The following PTPRD variants were observed in gnomAD, a reference collection of about 807,000 sequenced individuals.
PTPRD encodes receptor-type tyrosine-protein phosphatase delta.
In PTPRD, 34 loss-of-function variants were observed where a neutral mutation model predicts 214.5. The observed-to-expected ratio is 0.16, with a 90% confidence interval of 0.12 to 0.21. The LOEUF (loss-of-function observed/expected upper bound fraction) is 0.21. Ranked by LOEUF, PTPRD falls within the 10% of genes least tolerant of loss-of-function variation. PTPRD has a pLI of 1.00. For missense variants in PTPRD, 2,545 were observed against 2,398.7 expected, an observed-to-expected ratio of 1.06 and a Z score of -1.27; for synonymous variants, 1,128 against 845.7, an observed-to-expected ratio of 1.33 and a Z score of -5.79.
chr9:8,555,790 G>A (rs1201015880), intron 14 of PTPRD, among the ~76,000 whole-genome samples: 3 of 152,076 alleles, frequency 2.0e-5, no homozygotes, highest in African/African-American at 7.2e-5. Context: ...ACGTGTAGGG[G>A]AAGCACTGGA....
chr9:10,421,568 C>A (rs1377229255), intron 2 of PTPRD, among the ~76,000 whole-genome samples: 2 of 151,796 alleles, frequency 1.3e-5, no homozygotes, highest in Non-Finnish European at 2.9e-5. Context: ...ATTTTACTGT[C>A]CAATTTTATG....
At position 9,874,503 on chromosome 9, in the gene PTPRD, C is replaced by T. The variant is rs529474526; in HGVS notation, c.-368+64004G>A. ...AATGTAAGCAGGACTTAAATGTAAG[C>T]GTGCCTTTCACCAATCCAGAGACCT... On this transcript the variant is annotated intron_variant, in intron 5 of 45. Coordinates refer to ENST00000381196, the MANE Select transcript of PTPRD (RefSeq NM_002839.4). 3.9e-5 allele frequency among the ~76,000 whole-genome samples: 6 copies of T among 152,178 alleles called. No individual in the cohort carries two copies. The East Asian group carries it at 5.8e-4, about 15-fold the overall frequency.
At chr9:8,383,872 AAGTC>A (rs1428151486) in intron 37 of PTPRD, among the ~76,000 whole-genome samples, 1 of 152,174 alleles carries the variant, frequency 6.6e-6, no homozygotes, top group African/African-American at 2.4e-5. Context: ...GGTGAAGTAA[AAGTC>A]AGATATATTC....
At position 9,857,614 on chromosome 9, in the gene PTPRD, G is replaced by A. The variant is rs955608526; in HGVS notation, c.-368+80893C>T. Among the ~76,000 whole-genome samples, 36 of 152,146 alleles carry A rather than the reference G, an allele frequency of 2.4e-4. No individual in the cohort carries two copies. The East Asian group carries it at 6.9e-3, about 29-fold the overall frequency. On this transcript the variant is annotated intron_variant, in intron 5 of 45. Coordinates refer to ENST00000381196, the MANE Select transcript of PTPRD (RefSeq NM_002839.4). ...GTCCATATTACAGCTAGTGGAAGCTGAAGTTTTACATTTATATATTAAATT... is the reference window on the plus strand; with the variant it reads ...GTCCATATTACAGCTAGTGGAAGCTAAAGTTTTACATTTATATATTAAATT...
At chr9:9,166,039 G>C (rs1042374806) in intron 10 of PTPRD, among the ~76,000 whole-genome samples, 1 of 150,694 alleles carries the variant, frequency 6.6e-6, no homozygotes, top group Non-Finnish European at 1.5e-5. Context: ...TCCCTATGTA[G>C]GTATTAAAAA....
intron 3 of PTPRD, among the ~76,000 whole-genome samples, chr9:10,090,121 T>C (rs772546050): frequency 1.3e-5 from 2 of 151,670 alleles, no homozygotes; most frequent in Non-Finnish European, 3.0e-5. Flanking sequence ...CATATCCATA[T>C]AGCATAGCAG....
At chr9:9,079,857 A>C (rs148570507) in intron 10 of PTPRD, among the ~76,000 whole-genome samples, 2 of 152,088 alleles carry the variant, frequency 1.3e-5, no homozygotes, top group Non-Finnish European at 2.9e-5. Context: ...GATTTCATCC[A>C]GTTCATGAGT....
intron 5 of PTPRD, among the ~76,000 whole-genome samples, chr9:9,773,554 AG>A (rs2098770918): frequency 6.6e-6 from 1 of 152,240 alleles, no homozygotes; most frequent in African/African-American, 2.4e-5. Flanking sequence ...TAAAGAATAA[AG>A]AGTATTCCAT....
intron 7 of PTPRD, among the ~76,000 whole-genome samples, chr9:9,601,830 C>T (rs894574494): frequency 6.6e-6 from 1 of 151,966 alleles, no homozygotes; most frequent in Non-Finnish European, 1.5e-5. Context: ...ATGTAGTACA[C>T]TAGATGGTGA....
At chr9:9,038,465 A>G (rs1474464947) in intron 10 of PTPRD, among the ~76,000 whole-genome samples, 1 of 152,078 alleles carries the variant, frequency 6.6e-6, no homozygotes, top group Non-Finnish European at 1.5e-5. Context: ...GTATACAAAC[A>G]TGTACACAAA....
intron 3 of PTPRD, among the ~76,000 whole-genome samples, chr9:10,059,794 A>C (rs1247334071): frequency 3.3e-5 from 5 of 151,176 alleles, no homozygotes; most frequent in Admixed American, 3.3e-4. Context: ...TAAAAAAAAA[A>C]CACTAAGCTT....
chr9:10,195,773 A>C (rs141215179), intron 3 of PTPRD, among the ~76,000 whole-genome samples: 228 of 152,360 alleles, frequency 1.5e-3, no homozygotes, highest in African/African-American at 5.3e-3. Flanking sequence ...GCCTGAAATA[A>C]TTTAATTATC....
At chr9:8,429,803 A>G (rs142690514) in intron 35 of PTPRD, among the ~76,000 whole-genome samples, 14 of 152,322 alleles carry the variant, frequency 9.2e-5, no homozygotes, top group African/African-American at 3.4e-4. Flanking sequence ...AGAACAAAAC[A>G]GATCAAAGAG....
intron 2 of PTPRD, 130 bp from the exon 3 acceptor site, chr9:10,341,147 T>A (rs2096931834): frequency 1.3e-5 from 2 of 151,926 alleles, no homozygotes; most frequent in African/African-American, 4.8e-5. Context: ...AGAGTTGTTC[T>A]GAATAATACA....
In PTPRD at chr9:9,418,961, G is replaced by A. The variant is rs1047502643; in HGVS notation, c.-236-21479C>T. 2.4e-4 allele frequency among the ~76,000 whole-genome samples: 37 copies of A among 151,760 alleles called. 1 individual carries two copies. Among genetic ancestry groups the A allele is most frequent in the African/African-American group, 8.2e-4 (34 of 41,498 alleles). On this transcript the variant is annotated intron_variant, in intron 8 of 45. Transcript: ENST00000381196. ...TAATAAGCAGAAAGAGTGTAGTGGAGAAGGAAACGACTTTCTAGATAAGCA... is the reference window on the plus strand; with the variant it reads ...TAATAAGCAGAAAGAGTGTAGTGGAAAAGGAAACGACTTTCTAGATAAGCA...
chr9:10,223,323 G>C (rs1379154201), intron 3 of PTPRD, among the ~76,000 whole-genome samples: 1 of 151,618 alleles, frequency 6.6e-6, no homozygotes, highest in East Asian at 2.0e-4. Flanking sequence ...ACTAAACTAA[G>C]ACTAGATTGA....
At chr9:10,417,079 C>T (rs996608590) in intron 2 of PTPRD, among the ~76,000 whole-genome samples, 1 of 151,760 alleles carries the variant, frequency 6.6e-6, no homozygotes, top group African/African-American at 2.4e-5. Context: ...AGACAACAAA[C>T]TGTGGGGTTG....
intron 11 of PTPRD, among the ~76,000 whole-genome samples, chr9:8,759,005 G>A (rs939474559): frequency 4.0e-5 from 6 of 150,398 alleles, no homozygotes; most frequent in Admixed American, 3.3e-4. Context: ...ATTTTTTTAA[G>A]CTCACAAAGG....
At chr9:10,401,366 A>G (rs973107397) in intron 2 of PTPRD, among the ~76,000 whole-genome samples, 1 of 151,406 alleles carries the variant, frequency 6.6e-6, no homozygotes, top group Non-Finnish European at 1.5e-5. Context: ...TCAAGTGGAC[A>G]TTAGCTGGAA....
Sources: allele counts gnomAD v4.1 joint callset (sites outside exome capture counted in the v4.1 genomes callset), GRCh38; gene constraint gnomAD v4.1.1; transcripts MANE v1.5; gene names NCBI Gene and HGNC (gene_info 2026-07-23, HGNC 2026-07-21).